Variants in HOATZ observed in about 807,000 individuals in gnomAD.
The protein encoded by HOATZ is cilia- and flagella-associated protein HOATZ.
A neutral mutation model predicts 24.9 loss-of-function variants in HOATZ; 26 were observed. The ratio of observed to expected loss-of-function variants is 1.04; its 90% CI spans 0.76 to 1.45. The LOEUF is 1.45. HOATZ is among the 40% of genes most tolerant of loss of function. HOATZ has a pLI of 0.00. For missense variants in HOATZ, 226 were observed against 201.5 expected (o/e 1.12, Z -0.74); for synonymous variants, 83 against 76.6 (o/e 1.08, Z -0.43).
At chr11:111,527,921 T>C (rs1294199755) in intron 3 of HOATZ, among the ~76,000 whole-genome samples, 2 of 152,202 alleles carry the variant, frequency 1.3e-5, no homozygotes, top group East Asian at 1.9e-4. Context: ...ATTTGTAACA[T>C]AAAAATGAAA....
chr11:111,532,098 C>CCA (rs1449904246), intron 3 of HOATZ, among the ~76,000 whole-genome samples: 6 of 152,254 alleles, frequency 3.9e-5, no homozygotes, highest in Admixed American at 1.3e-4. Context: ...CACCCCTACT[C>CCA]CACACACACA....
chr11:111,536,462 G>T (rs770089215), intron 5 of HOATZ: 26 of 224,038 alleles, frequency 1.2e-4, no homozygotes, highest in Non-Finnish European at 2.0e-4. Context: ...TTTAAAAGAA[G>T]TCTGAATAAA....
At chr11:111,524,412 A>G (rs1867309912) in intron 3 of HOATZ, among the ~76,000 whole-genome samples, 1 of 152,258 alleles carries the variant, frequency 6.6e-6, no homozygotes, top group Non-Finnish European at 1.5e-5. Flanking sequence ...ACAGCATGTA[A>G]GAGAAACCCT....
intron 3 of HOATZ, among the ~76,000 whole-genome samples, chr11:111,521,965 A>C (rs1867273593): frequency 6.6e-6 from 1 of 152,192 alleles, no homozygotes; most frequent in Non-Finnish European, 1.5e-5. Flanking sequence ...TACTCTGGGC[A>C]CACTGCCTAC....
chr11:111,516,201 A>G (rs1376652962), intron 3 of HOATZ, 91 bp downstream of exon 3: 2 of 735,158 alleles, frequency 2.7e-6, no homozygotes, highest in Admixed American at 2.6e-5. Flanking sequence ...AAAATCTGCT[A>G]CTTCTAGTGC....
chr11:111,519,631 T>G (rs1867247148), intron 3 of HOATZ, among the ~76,000 whole-genome samples: 1 of 152,186 alleles, frequency 6.6e-6, no homozygotes, highest in Admixed American at 6.5e-5. Context: ...ATTCTAGAAT[T>G]TTTAGCTTGA....
chr11:111,525,383 T>C (rs1175358205), intron 3 of HOATZ, among the ~76,000 whole-genome samples: 1 of 152,226 alleles, frequency 6.6e-6, no homozygotes, highest in Non-Finnish European at 1.5e-5. Context: ...CTCTGGAGTT[T>C]CTGGTCATAA....
At chr11:111,515,888 TC>T in intron 2 of HOATZ, 151 bp from the exon 3 acceptor site, 2 of 576,898 alleles carry the variant, frequency 3.5e-6, no homozygotes, top group Admixed American at 3.5e-5. Context: ...TGTTTGCAAA[TC>T]TGGTTTGTAA....
chr11:111,520,849 G>T (rs1359973640), intron 3 of HOATZ, among the ~76,000 whole-genome samples: 2 of 152,048 alleles, frequency 1.3e-5, no homozygotes, highest in African/African-American at 4.8e-5. Context: ...GAGAGAGATC[G>T]CATTCACATA....
At chr11:111,532,885 T>G (rs1427899360) in intron 3 of HOATZ, among the ~76,000 whole-genome samples, 2 of 152,238 alleles carry the variant, frequency 1.3e-5, no homozygotes, top group African/African-American at 4.8e-5. Context: ...AGATGCTAGA[T>G]TATCAGGATT....
Position 111,536,779 on chromosome 11 carries a change from A to G in HOATZ, c.462A>G (p.Val154=). ...ATATTACTACCAACAGGAAAGTGGT[A>G]TCAGAGTCAGATAAAGAGGACCAAG... ...KAKEHKAKKV[V]SESDKEDQEE... The change falls in exon 6 of 6, where the codon GTA becomes GTG. Residue 154 remains valine, a synonymous_variant. Transcript: ENST00000375618. The G allele has an allele frequency of 6.2e-7, 1 of 1,613,358 alleles. No individual in the cohort carries two copies. The highest frequency in any genetic ancestry group is 1.1e-5 in the South Asian group (1 of 91,076).
intron 3 of HOATZ, among the ~76,000 whole-genome samples, chr11:111,531,130 A>G (rs2135781353): frequency 6.6e-6 from 1 of 152,374 alleles, no homozygotes; most frequent in South Asian, 2.1e-4. Context: ...TAACTGGTCC[A>G]TGATTTCCCA....
chr11:111,533,002 T>A (rs1461574494), intron 3 of HOATZ, among the ~76,000 whole-genome samples: 1 of 152,240 alleles, frequency 6.6e-6, no homozygotes, highest in Non-Finnish European at 1.5e-5. Context: ...TGCCTATTTT[T>A]ATAGTTTATA....
At position 111,533,805 on chromosome 11, in the gene HOATZ, G is replaced by A. The variant is rs61764071; in HGVS notation, c.399G>A (p.Ser133=). ...LLRKQREERI[S]KELISLPYKP... The stretch of plus-strand genomic sequence containing the variant: ...GAAAACAAAGAGAAGAAAGGATCTC[G>A]GTGAGACCAATAGTGAGGCATTTGG... Residue 133 remains serine, a splice_region_variant and synonymous_variant, in exon 4 of 6, where the codon TCG becomes TCA. Coordinates refer to ENST00000375618, the MANE Select transcript of HOATZ (RefSeq NM_001100388.2). The A allele has an allele frequency of 2.3e-3, 3,534 of 1,567,154 alleles. 69 individuals are homozygous for A. In the African/African-American group the frequency reaches 0.043, roughly 19 times the overall value.
chr11:111,515,051 A>G (rs1470431556), intron 1 of HOATZ, 41 bp downstream of exon 1: 10 of 1,466,262 alleles, frequency 6.8e-6, no homozygotes, highest in Non-Finnish European at 9.5e-6. Context: ...TATCTGCCTC[A>G]CCGTAACTGG....
chr11:111,529,634 T>TTGG (rs1867374702), intron 3 of HOATZ, among the ~76,000 whole-genome samples: 1 of 152,152 alleles, frequency 6.6e-6, no homozygotes, highest in Admixed American at 6.5e-5. Flanking sequence ...ATGCTGAGAT[T>TTGG]ACAGGCATGA....
chr11:111,524,766 CA>C, intron 3 of HOATZ: 6 of 376,002 alleles, frequency 1.6e-5, no homozygotes, highest in East Asian at 7.7e-5. Flanking sequence ...TTGGCCAGGT[CA>C]AAAAAATATT....
chr11:111,528,816 G>A (rs1040139659), intron 3 of HOATZ, among the ~76,000 whole-genome samples: 14 of 152,194 alleles, frequency 9.2e-5, no homozygotes, highest in African/African-American at 3.1e-4. Flanking sequence ...CTCTGTGTGT[G>A]TGTGTGTGCA....
chr11:111,522,856 C>T (rs114040297), intron 3 of HOATZ, among the ~76,000 whole-genome samples: 3,298 of 152,030 alleles, frequency 0.022, 107 homozygotes, highest in African/African-American at 0.074. Flanking sequence ...CAGGCCAAGG[C>T]GGGCAGATCA....
Sources: gnomAD v4.1 joint callset for allele counts (sites outside exome capture counted in the v4.1 genomes callset) on GRCh38, gnomAD v4.1.1 for gene constraint, MANE v1.5 for transcripts, NCBI Gene and HGNC (gene_info 2026-07-23, HGNC 2026-07-21) for gene names.